The following BICD1 variants were observed in gnomAD, a reference collection of about 807,000 sequenced individuals.
The protein encoded by BICD1 is BICD cargo adaptor 1, also known as protein bicaudal D homolog 1.
A neutral mutation model predicts 92.5 loss-of-function variants in BICD1; 35 were observed. The observed-to-expected ratio is 0.38, with a 90% CI of 0.29 to 0.50. The LOEUF is 0.50. BICD1 is among the 20% of genes least tolerant of loss of function. BICD1 has a pLI of 0.93. For synonymous variants in BICD1, 429 were observed against 465.1 expected (o/e 0.92, Z 1.00); for missense variants, 950 against 1,189.8 (o/e 0.80, Z 2.97).
intron 8 of BICD1, among the ~76,000 whole-genome samples, chr12:32,350,606 T>A (rs1374315766): frequency 6.6e-6 from 1 of 152,186 alleles, no homozygotes; most frequent in African/African-American, 2.4e-5. Context: ...TGCACCACAC[T>A]CGTTATAGAG....
intron 8 of BICD1, among the ~76,000 whole-genome samples, chr12:32,363,605 GAT>G (rs1468175040): frequency 2.6e-5 from 3 of 114,420 alleles, no homozygotes; most frequent in Non-Finnish European, 3.9e-5. Context: ...TGTCAGCCTA[GAT>G]ATCACAACCT....
intron 2 of BICD1, among the ~76,000 whole-genome samples, chr12:32,283,919 T>C (rs561418129): frequency 6.6e-6 from 1 of 152,340 alleles, no homozygotes; most frequent in Non-Finnish European, 1.5e-5. Flanking sequence ...CATGTGCTTG[T>C]CCCAAGGTAT....
chr12:32,162,566 G>A (rs1278231668), intron 1 of BICD1, among the ~76,000 whole-genome samples: 1 of 152,124 alleles, frequency 6.6e-6, no homozygotes, highest in Non-Finnish European at 1.5e-5. Context: ...AAAACAGTAC[G>A]ATATGCCTAG....
chr12:32,184,424 T>C (rs1375646465), intron 1 of BICD1, among the ~76,000 whole-genome samples: 1 of 152,068 alleles, frequency 6.6e-6, no homozygotes, highest in Non-Finnish European at 1.5e-5. Flanking sequence ...GTAGCTGGGA[T>C]TACAGACGCA....
At chr12:32,190,373 A>T (rs1592446103) in intron 1 of BICD1, among the ~76,000 whole-genome samples, 1 of 152,256 alleles carries the variant, frequency 6.6e-6, no homozygotes, top group Non-Finnish European at 1.5e-5. Flanking sequence ...ACTTAAGGAC[A>T]TACATAGGCT....
At chr12:32,163,252 T>C (rs1334283120) in intron 1 of BICD1, among the ~76,000 whole-genome samples, 1 of 152,104 alleles carries the variant, frequency 6.6e-6, no homozygotes, top group Non-Finnish European at 1.5e-5. Flanking sequence ...CCTGCCTTCT[T>C]TTCATTAATT....
At chr12:32,252,349 C>T (rs1946590417) in intron 2 of BICD1, among the ~76,000 whole-genome samples, 1 of 151,318 alleles carries the variant, frequency 6.6e-6, no homozygotes, top group South Asian at 2.1e-4. Flanking sequence ...GTCCGATTCA[C>T]ATCAAAGATG....
At chr12:32,216,215 G>T in intron 1 of BICD1, 32 bp from the exon 2 acceptor site, 1 of 1,598,810 alleles carries the variant, frequency 6.3e-7, no homozygotes, top group South Asian at 1.1e-5. Flanking sequence ...GCATTTCATT[G>T]TGTACTCTTT....
At chr12:32,181,361 G>A (rs1040916797) in intron 1 of BICD1, among the ~76,000 whole-genome samples, 13 of 151,556 alleles carry the variant, frequency 8.6e-5, no homozygotes, top group African/African-American at 2.4e-4. Flanking sequence ...CAGAGGTTGC[G>A]GTGAGCAGAG....
chr12:32,327,725 G>A lies in BICD1; in HGVS notation c.1270G>A (p.Val424Ile), dbSNP rs1475598967. Residue 424 changes from valine (V) to isoleucine (I), a missense_variant, in exon 5 of 10, where the codon GTA (valine) becomes ATA (isoleucine). Transcript: ENST00000652176. ...CCTTGAATGCAAATACAGGGTGGCA[G>A]TAACTGAGGTGATTGATCTGAAAGC... ...EILECKYRVA[V>I]TEVIDLKAEI... is the part of the protein sequence containing the mutation. 4 of 1,614,036 alleles carry A rather than the reference G, an allele frequency of 2.5e-6. No individual in the cohort carries two copies. The highest frequency in any genetic ancestry group is 2.5e-6 in the Non-Finnish European group (3 of 1,180,020).
intron 2 of BICD1, among the ~76,000 whole-genome samples, chr12:32,275,214 C>A (rs1201528051): frequency 6.6e-6 from 1 of 152,094 alleles, no homozygotes; most frequent in African/African-American, 2.4e-5. Context: ...GTGATTCGTT[C>A]ATTATAAAAT....
chr12:32,364,283 C>G (rs562778809), intron 8 of BICD1, among the ~76,000 whole-genome samples: 1 of 152,146 alleles, frequency 6.6e-6, no homozygotes, highest in Non-Finnish European at 1.5e-5. Context: ...TTTATTCCCC[C>G]CAAAGCAACG....
At chr12:32,352,562 A>G (rs1348962034) in intron 8 of BICD1, 1 of 151,840 alleles carries the variant, frequency 6.6e-6, no homozygotes, top group Non-Finnish European at 1.5e-5. Flanking sequence ...CATCTTAAGG[A>G]CTTTTTTGCT....
At chr12:32,278,778 C>A (rs1475823425) in intron 2 of BICD1, among the ~76,000 whole-genome samples, 2 of 152,168 alleles carry the variant, frequency 1.3e-5, no homozygotes, top group African/African-American at 4.8e-5. Context: ...ATGGCATGAA[C>A]CCGGAGGGCG....
At position 32,235,949 on chromosome 12, in the gene BICD1, C is replaced by T. The variant is rs189013278; in HGVS notation, c.426+19490C>T. ...ATCTCTTGACCTCGTGATCTGCCCT[C>T]GGCCTCCCAAAGTGCTGGGATTACA... On this transcript the variant is annotated intron_variant, in intron 2 of 9. Coordinates refer to ENST00000652176, the MANE Select transcript of BICD1 (RefSeq NM_001714.4). 8.2e-4 allele frequency among the ~76,000 whole-genome samples: 124 copies of T among 151,408 alleles called. 1 individual carries two copies. The highest frequency in any genetic ancestry group is 1.2e-3 in the Non-Finnish European group (84 of 67,828).
rs1179747608 is a variant in BICD1 at position 32,374,734 on chromosome 12, ATTTTTTTTTTTT to A, written c.2841-2793_2841-2782del. 1.2e-4 allele frequency among the ~76,000 whole-genome samples: 10 copies of A among 80,092 alleles called. No individual in the cohort carries two copies. The East Asian group carries it at 2.5e-3, about 20-fold the overall frequency. 52.5% of individuals were successfully genotyped at this position (80,092 alleles called of 152,430 possible). A position where few individuals can be genotyped will look rare whatever the true frequency, so the allele number is the denominator to read the frequency against. ...AGGCATGTGCCACCACGCCCGGCTA[ATTTTTTTTTTTT>A]TTTTTTTTTTTTGTATTTTTAGTAG... On this transcript the variant is annotated intron_variant, in intron 9 of 9. Coordinates refer to ENST00000652176, the MANE Select transcript of BICD1 (RefSeq NM_001714.4).
chr12:32,337,853 G>C lies in BICD1; in HGVS notation c.2570+37G>C, dbSNP rs751782760. On this transcript the variant is annotated intron_variant, in intron 7 of 9. Transcript: ENST00000652176. This position sits in a 1 kb window ranked among gnomAD's most constrained non-coding sequence, Gnocchi z 4.7. ...GCGATCTTCATAGTACGGTGCAGTG[G>C]CCAGATTTTAGTTAACTGCAAAAAT... The C allele has an allele frequency of 6.3e-7, 1 of 1,592,868 alleles. No individual in the cohort carries two copies. The highest frequency in any genetic ancestry group is 8.6e-7 in the Non-Finnish European group (1 of 1,162,018).
intron 4 of BICD1, among the ~76,000 whole-genome samples, chr12:32,315,533 T>C (rs1185724605): frequency 6.6e-6 from 1 of 152,178 alleles, no homozygotes; most frequent in East Asian, 1.9e-4. Context: ...GGAGTTTGCA[T>C]TGAATATGTA....
At chr12:32,177,153 A>G (rs2121519760) in intron 1 of BICD1, among the ~76,000 whole-genome samples, 1 of 151,894 alleles carries the variant, frequency 6.6e-6, no homozygotes, top group South Asian at 2.1e-4. Context: ...CATCTCTACT[A>G]GAAATACAAA....
Sources: allele counts gnomAD v4.1 joint callset (sites outside exome capture counted in the v4.1 genomes callset), GRCh38; gene constraint gnomAD v4.1.1; non-coding constraint Gnocchi (gnomAD v3.1); transcripts MANE v1.5; gene names NCBI Gene and HGNC (gene_info 2026-07-23, HGNC 2026-07-21).